The following DIAPH3 variants were observed in gnomAD, a reference collection of about 807,000 sequenced individuals.
The protein encoded by DIAPH3 is diaphanous related formin 3.
A neutral mutation model predicts 144.3 loss-of-function variants in DIAPH3; 117 were observed. The observed-to-expected ratio is 0.81, with a 90% CI of 0.70 to 0.95. The LOEUF is 0.95. Among genes scored for constraint, DIAPH3 ranks in the 40% least tolerant of loss-of-function variants. DIAPH3 has a pLI of 0.00. For synonymous variants in DIAPH3, 519 were observed against 488.9 expected, an observed-to-expected ratio of 1.06 and a Z score of -0.81; for missense variants, 1,421 against 1,412.7, an observed-to-expected ratio of 1.01 and a Z score of -0.09.
rs535758021 is a variant in DIAPH3 at position 59,774,253 on chromosome 13, TAA to T, written c.3260-7_3260-6del. 4.5e-6 allele frequency: 6 copies of T among 1,335,704 alleles called. No individual in the cohort carries two copies. Among genetic ancestry groups the T allele is most frequent in the South Asian group, 2.7e-5 (2 of 73,086 alleles). The allele number at this position is 1,335,704 out of a possible 1,614,324, so 82.7% of individuals were successfully genotyped here. ...GACTGAGACTCTGCCGAACATCTGT[TAA>T]AAAAAAAAATAAAATAAACTTAATA... On this transcript the variant is annotated splice_region_variant and splice_polypyrimidine_tract_variant and intron_variant, in intron 26 of 27. Transcript: ENST00000400324.
intron 20 of DIAPH3, among the ~76,000 whole-genome samples, chr13:59,881,370 G>T (rs1000538161): frequency 6.6e-6 from 1 of 152,020 alleles, no homozygotes; most frequent in East Asian, 1.9e-4. Context: ...TAGCATCGCT[G>T]TTTTCAGTAA....
At chr13:60,003,388 AGAGT>A (rs900114879) in intron 9 of DIAPH3, among the ~76,000 whole-genome samples, 10 of 151,914 alleles carry the variant, frequency 6.6e-5, no homozygotes, top group Admixed American at 2.0e-4. Context: ...TAAATTACCC[AGAGT>A]GATTATGTTG....
intron 17 of DIAPH3, among the ~76,000 whole-genome samples, chr13:59,935,024 G>A (rs896833054): frequency 2.0e-5 from 3 of 152,154 alleles, no homozygotes; most frequent in Non-Finnish European, 4.4e-5. Context: ...TAACTACACA[G>A]TTGACTCTTG....
rs182034700 is a variant in DIAPH3, at chr13:59,963,928, G to A, written c.2074+6016C>T. Among the ~76,000 whole-genome samples the A allele has an allele frequency of 1.3e-3, 201 of 152,252 alleles. 1 individual carries two copies. Among genetic ancestry groups the A allele is most frequent in the African/African-American group, 4.6e-3 (192 of 41,534 alleles). ...GGATAAGCCTCATTTAAATTTCCAG[G>A]TGAATAATAACAAGCACTAATTTGA... On this transcript the variant is annotated intron_variant, in intron 17 of 27. Transcript: ENST00000400324.
intron 27 of DIAPH3, among the ~76,000 whole-genome samples, chr13:59,702,067 C>T (rs565967659): frequency 2.2e-4 from 34 of 152,304 alleles, no homozygotes; most frequent in African/African-American, 7.9e-4. Flanking sequence ...TAAGATAGTT[C>T]CTTTACTGTA....
chr13:60,059,587 C>T (rs1319758922), intron 4 of DIAPH3, among the ~76,000 whole-genome samples: 1 of 151,780 alleles, frequency 6.6e-6, no homozygotes, highest in Non-Finnish European at 1.5e-5. Flanking sequence ...CACAGGACCA[C>T]TTGTTTTTAT....
intron 24 of DIAPH3, among the ~76,000 whole-genome samples, chr13:59,821,353 A>G (rs2041064116): frequency 6.6e-6 from 1 of 152,084 alleles, no homozygotes; most frequent in Non-Finnish European, 1.5e-5. Flanking sequence ...ATGCTTCACC[A>G]TACTTAATTA....
At chr13:59,682,966 A>G (rs1042778248) in intron 27 of DIAPH3, among the ~76,000 whole-genome samples, 3 of 152,254 alleles carry the variant, frequency 2.0e-5, no homozygotes, top group Non-Finnish European at 2.9e-5. Context: ...CAGATGTGTC[A>G]TATTTCATCA....
intron 4 of DIAPH3, among the ~76,000 whole-genome samples, chr13:60,043,681 T>C (rs2055856601): frequency 6.6e-6 from 1 of 152,132 alleles, no homozygotes; most frequent in South Asian, 2.1e-4. Context: ...AAACATTAAG[T>C]ACCTACTAAA....
intron 4 of DIAPH3, among the ~76,000 whole-genome samples, chr13:60,049,344 A>G (rs1239113070): frequency 2.0e-5 from 3 of 152,336 alleles, no homozygotes; most frequent in South Asian, 4.1e-4. Context: ...TAACCAATAA[A>G]CACTGGGAAA....
chr13:59,785,699 C>T (rs2038998625), intron 25 of DIAPH3, among the ~76,000 whole-genome samples: 1 of 152,140 alleles, frequency 6.6e-6, no homozygotes, highest in Non-Finnish European at 1.5e-5. Flanking sequence ...CCTTCTCCTT[C>T]CTTCCACAGA....
chr13:59,814,826 T>G (rs972047776), intron 24 of DIAPH3, among the ~76,000 whole-genome samples: 2 of 152,148 alleles, frequency 1.3e-5, no homozygotes, highest in African/African-American at 4.8e-5. Context: ...CCAGACAGAG[T>G]TTGGTGCAAC....
chr13:59,758,575 A>G (rs1451732503), intron 27 of DIAPH3, among the ~76,000 whole-genome samples: 1 of 152,206 alleles, frequency 6.6e-6, no homozygotes, highest in African/African-American at 2.4e-5. Context: ...ATCAACATTC[A>G]TCAAGCCATA....
intron 27 of DIAPH3, among the ~76,000 whole-genome samples, chr13:59,730,826 T>C (rs989206863): frequency 6.6e-6 from 1 of 152,186 alleles, no homozygotes; most frequent in Non-Finnish European, 1.5e-5. Context: ...ATCACATGAA[T>C]GTGCATGTGA....
intron 1 of DIAPH3, among the ~76,000 whole-genome samples, chr13:60,142,219 G>C (rs900701406): frequency 6.6e-6 from 1 of 152,136 alleles, no homozygotes; most frequent in African/African-American, 2.4e-5. Context: ...AGCATATTCA[G>C]CATATTATAC....
At chr13:59,889,603 T>C (rs1437230539) in intron 20 of DIAPH3, among the ~76,000 whole-genome samples, 1 of 152,030 alleles carries the variant, frequency 6.6e-6, no homozygotes, top group Non-Finnish European at 1.5e-5. Context: ...ACCTGGGCCA[T>C]TTTGGACTTC....
At chr13:59,870,796 T>A (rs1482536818) in intron 21 of DIAPH3, among the ~76,000 whole-genome samples, 2 of 151,602 alleles carry the variant, frequency 1.3e-5, no homozygotes, top group East Asian at 3.9e-4. Flanking sequence ...TCAGCCTCCC[T>A]AGTAGCTGGG....
intron 4 of DIAPH3, among the ~76,000 whole-genome samples, chr13:60,084,802 T>TA (rs1206621738): frequency 6.6e-6 from 1 of 152,174 alleles, no homozygotes; most frequent in East Asian, 1.9e-4. Flanking sequence ...ATATTGATAG[T>TA]AAGAGGCTAT....
intron 17 of DIAPH3, among the ~76,000 whole-genome samples, chr13:59,941,045 G>GA (rs907590310): frequency 2.6e-5 from 4 of 152,128 alleles, no homozygotes; most frequent in African/African-American, 9.7e-5. Flanking sequence ...CCTCTGGGGA[G>GA]AAAAGATAAA....
Sources: allele counts gnomAD v4.1 joint callset (sites outside exome capture counted in the v4.1 genomes callset), GRCh38; gene constraint gnomAD v4.1.1; transcripts MANE v1.5; gene names NCBI Gene and HGNC (gene_info 2026-07-23, HGNC 2026-07-21).